Variants in PDE8B observed in about 807,000 individuals in gnomAD.
PDE8B encodes phosphodiesterase 8B.
In PDE8B, 26 loss-of-function variants were observed where a neutral mutation model predicts 101.3. The ratio of observed to expected loss-of-function variants is 0.26; its 90% CI spans 0.19 to 0.36. The LOEUF (loss-of-function observed/expected upper bound fraction) is 0.36. PDE8B is among the 10% of genes least tolerant of loss of function. The pLI, the probability that PDE8B is intolerant of heterozygous loss-of-function variation, is 1.00. For missense variants in PDE8B, 810 were observed against 1,163.1 expected (o/e 0.70, Z 4.42); for synonymous variants, 424 against 429.3 (o/e 0.99, Z 0.15).
intron 17 of PDE8B, 93 bp downstream of exon 17, chr5:77,413,402 C>A (rs1794930328): frequency 1.7e-6 from 2 of 1,148,692 alleles, no homozygotes; most frequent in African/African-American, 1.5e-5. Context: ...AGCTATTTTG[C>A]AACCAAGTTG....
chr5:77,235,522 A>G lies in PDE8B; in HGVS notation c.339+24258A>G, dbSNP rs188458716. ...ATTCATTCATTCATTTAGCTATACAACAAGTAAATGTTGAGTGCCTACTGT... is the reference window on the plus strand; with the variant it reads ...ATTCATTCATTCATTTAGCTATACAGCAAGTAAATGTTGAGTGCCTACTGT... On this transcript the variant is annotated intron_variant, in intron 1 of 21. Coordinates refer to ENST00000264917, the MANE Select transcript of PDE8B (RefSeq NM_003719.5). Among the ~76,000 whole-genome samples the G allele has an allele frequency of 1.9e-3, 289 of 152,302 alleles. 2 individuals carry two copies. Among genetic ancestry groups the G allele is most frequent in the African/African-American group, 6.7e-3 (278 of 41,558 alleles).
chr5:77,327,068 G>A (rs1776179310), intron 3 of PDE8B, among the ~76,000 whole-genome samples: 1 of 152,180 alleles, frequency 6.6e-6, no homozygotes, highest in Non-Finnish European at 1.5e-5. Context: ...GTACATATCT[G>A]GCAGTGTGTT....
intron 1 of PDE8B, among the ~76,000 whole-genome samples, chr5:77,247,187 CT>C (rs1757123146): frequency 6.6e-6 from 1 of 152,164 alleles, no homozygotes; most frequent in South Asian, 2.1e-4. Context: ...AATATGAGAC[CT>C]TCTGGTTGGC....
chr5:77,422,599 T>C (rs147669474), intron 20 of PDE8B, among the ~76,000 whole-genome samples: 4 of 152,186 alleles, frequency 2.6e-5, no homozygotes, highest in Non-Finnish European at 4.4e-5. Context: ...GGAAGAGCAA[T>C]ATGTAGTTCA....
chr5:77,172,530 T>A, the PDE8B span, among the ~76,000 whole-genome samples: 33,427 of 152,148 alleles, frequency 0.22, 5,577 homozygotes, highest in African/African-American at 0.45. Context: ...TAAAGGACAG[T>A]CTGTCCCTCA....
At position 77,211,067 on chromosome 5, in the gene PDE8B, G is replaced by T; in HGVS notation, c.142G>T (p.Asp48Tyr). 1 of 1,508,024 alleles carries T rather than the reference G, an allele frequency of 6.6e-7. No individual in the cohort carries two copies. The highest frequency in any genetic ancestry group is 8.8e-7 in the Non-Finnish European group (1 of 1,136,598). 93.4% of individuals were successfully genotyped at this position (1,508,024 alleles called of 1,614,324 possible). A position where few individuals can be genotyped will look rare whatever the true frequency, so the allele number is the denominator to read the frequency against. ...APLPGLFVQT[D>Y]AADAIPPSRA... The stretch of plus-strand genomic sequence containing the variant: ...CCTGCCCGGCCTCTTCGTCCAGACC[G>T]ACGCCGCCGACGCCATCCCCCCGAG... The change falls in exon 1 of 22, where the codon GAC becomes TAC. Residue 48 changes from aspartate (D) to tyrosine (Y), a missense_variant. By Grantham distance (160) the Asp-to-Tyr change is radical. Transcript: ENST00000264917. This position sits in a 1 kb window ranked among gnomAD's most constrained non-coding sequence, Gnocchi z 4.1.
In PDE8B at chr5:77,220,529, A is replaced by G. The variant is rs572884719; in HGVS notation, c.339+9265A>G. On this transcript the variant is annotated intron_variant, in intron 1 of 21. Transcript: ENST00000264917. ...GTGTTCACTTTTATATGCAGACTAT[A>G]TGACAAACATTAGTTTGTAAGGCAC... Among the ~76,000 whole-genome samples, 9 of 152,354 alleles carry G rather than the reference A, an allele frequency of 5.9e-5. No individual in the cohort carries two copies. In the East Asian group the frequency reaches 1.3e-3, roughly 23 times the overall value.
chr5:77,410,878 A>G (rs1313388152), intron 14 of PDE8B: 1 of 152,108 alleles, frequency 6.6e-6, no homozygotes, highest in East Asian at 1.9e-4. Context: ...TTTAGGGTAC[A>G]TGTGCACAAC....
At chr5:77,340,759 A>T (rs1352290903) in intron 6 of PDE8B, among the ~76,000 whole-genome samples, 1 of 152,132 alleles carries the variant, frequency 6.6e-6, no homozygotes, top group Non-Finnish European at 1.5e-5. Flanking sequence ...GCTACTCAGC[A>T]TGTTGGTGGC....
chr5:77,316,159 G>T (rs969376619), intron 2 of PDE8B, among the ~76,000 whole-genome samples: 1 of 151,602 alleles, frequency 6.6e-6, no homozygotes, highest in Non-Finnish European at 1.5e-5. Flanking sequence ...ATCAAGTTGG[G>T]AATGTTTTTG....
intron 1 of PDE8B, among the ~76,000 whole-genome samples, chr5:77,278,388 T>C (rs1764250564): frequency 6.6e-6 from 1 of 152,234 alleles, no homozygotes; most frequent in African/African-American, 2.4e-5. Context: ...TCTCATGAGA[T>C]GGAAATCATA....
At chr5:77,311,805 T>A (rs1472381660) in intron 1 of PDE8B, among the ~76,000 whole-genome samples, 189 bp from the exon 2 acceptor site, 1 of 151,906 alleles carries the variant, frequency 6.6e-6, no homozygotes, top group African/African-American at 2.4e-5. Context: ...ATGGATACTT[T>A]TTTTTTAATA....
rs368728698 is a variant in PDE8B, at chr5:77,349,498, A to G, written c.956A>G (p.Lys319Arg). Residue 319 changes from lysine to arginine, a missense_variant, in exon 8 of 22, where the codon AAA becomes AGA. Around this residue, in one of 4 missense-constraint regions of PDE8B, gnomAD observed 251 missense variants for 378.8 expected, o/e 0.66. Transcript: ENST00000264917. ...GGAAAAGAACTCGCTGATCTGCCCA[A>G]AAGCGATAAGAACCGGGCAGACCTT... ...LLGKELADLP[K>R]SDKNRADLLD... 6.2e-7 allele frequency: 1 copy of G among 1,614,084 alleles called. No individual in the cohort carries two copies. Among genetic ancestry groups the G allele is most frequent in the African/African-American group, 1.3e-5 (1 of 74,934 alleles).
At chr5:77,142,008 A>G in the PDE8B span, 1 of 152,220 alleles carries the variant, frequency 6.6e-6, no homozygotes, top group Non-Finnish European at 1.5e-5. Context: ...AAGAAAAGAG[A>G]TTCATGGAAT....
At chr5:77,117,314 A>G in the PDE8B span, among the ~76,000 whole-genome samples, 4 of 152,138 alleles carry the variant, frequency 2.6e-5, no homozygotes, top group African/African-American at 9.7e-5. Flanking sequence ...TTTTTTTTCA[A>G]TCGGAGAGAA....
chr5:77,267,529 C>G (rs890702028), intron 1 of PDE8B, among the ~76,000 whole-genome samples: 1 of 152,030 alleles, frequency 6.6e-6, no homozygotes, highest in African/African-American at 2.4e-5. Context: ...TAGCTCCCTC[C>G]CTGTGCTGGA....
chr5:77,404,883 C>A, intron 12 of PDE8B, 86 bp downstream of exon 12: 1 of 833,506 alleles, frequency 1.2e-6, no homozygotes, highest in Non-Finnish European at 2.1e-6. Flanking sequence ...AGCGTATAAA[C>A]TCCAAAGAGT....
chr5:77,216,852 G>A (rs1749854773), intron 1 of PDE8B, among the ~76,000 whole-genome samples: 1 of 152,164 alleles, frequency 6.6e-6, no homozygotes, highest in African/African-American at 2.4e-5. Flanking sequence ...TGCTGAGCAG[G>A]GTGGAGAGTG....
chr5:77,261,702 T>C (rs1235599564), intron 1 of PDE8B, among the ~76,000 whole-genome samples: 1 of 152,158 alleles, frequency 6.6e-6, no homozygotes, highest in Non-Finnish European at 1.5e-5. Flanking sequence ...TACTAGAAGG[T>C]TCCTAAGAGG....
Sources: allele counts gnomAD v4.1 joint callset (sites outside exome capture counted in the v4.1 genomes callset), GRCh38; gene constraint gnomAD v4.1.1; regional missense constraint gnomAD v4.1.1; non-coding constraint Gnocchi (gnomAD v3.1); transcripts MANE v1.5; gene names NCBI Gene and HGNC (gene_info 2026-07-23, HGNC 2026-07-21).